ADGRL3: variants seen among roughly 807,000 people sequenced by gnomAD.
The protein encoded by ADGRL3 is adhesion G protein-coupled receptor L3.
In ADGRL3, 62 loss-of-function variants were observed where a neutral mutation model predicts 153.5. The observed-to-expected ratio is 0.40, with a 90% confidence interval of 0.33 to 0.50. The LOEUF (loss-of-function observed/expected upper bound fraction) is 0.50, where lower values mean the gene tolerates loss of function less well. ADGRL3 is among the 20% of genes least tolerant of loss of function. ADGRL3 has a pLI of 0.47. For missense variants in ADGRL3, 1,641 were observed against 1,859.4 expected, an observed-to-expected ratio of 0.88 and a Z score of 2.16; for synonymous variants, 710 against 672.5, an observed-to-expected ratio of 1.06 and a Z score of -0.86.
intron 9 of ADGRL3, among the ~76,000 whole-genome samples, chr4:61,883,287 A>G (rs920116628): frequency 9.9e-5 from 15 of 152,272 alleles, no homozygotes; most frequent in Admixed American, 9.2e-4. Context: ...TGTAAGCTCT[A>G]TAAGGGCAGA....
chr4:62,070,763 G>T lies in ADGRL3; in HGVS notation c.4487G>T (p.Gly1496Val). 6.4e-7 allele frequency: 1 copy of T among 1,551,548 alleles called. No individual in the cohort carries two copies. Among genetic ancestry groups the T allele is most frequent in the Admixed American group, 2.0e-5 (1 of 50,990 alleles). ...TACTACAAAAGCATGCCAAACCTAG[G>T]CTCCAGAAACCACGTCCATCAGCTG... ...DVYYKSMPNL[G>V]SRNHVHQLHT... The change falls in exon 27 of 27, where the codon GGC (glycine) becomes GTC (valine). Residue 1496 changes from glycine to valine, a missense_variant. Gly to Val is a moderately radical substitution (Grantham distance 109, BLOSUM62 -3). Transcript: ENST00000683033.
chr4:61,440,301 G>A (rs919860806), intron 2 of ADGRL3, among the ~76,000 whole-genome samples: 14 of 152,108 alleles, frequency 9.2e-5, no homozygotes, highest in Non-Finnish European at 1.5e-4. Context: ...GCCTGCCTTG[G>A]CCTCCCAAAG....
At position 61,491,052 on chromosome 4, in the gene ADGRL3, A is replaced by G. The variant is rs1037207831; in HGVS notation, c.-173-6069A>G. 1.1e-4 allele frequency among the ~76,000 whole-genome samples: 16 copies of G among 152,202 alleles called. No homozygotes were observed. In the East Asian group the frequency reaches 2.3e-3, roughly 22 times the overall value. On this transcript the variant is annotated intron_variant, in intron 2 of 26. Transcript: ENST00000683033. ...ACCAAATATATTAACATTTGATAGGATGGTGATGGAAAGAACCTGTGTTAT... is the reference window on the plus strand; with the variant it reads ...ACCAAATATATTAACATTTGATAGGGTGGTGATGGAAAGAACCTGTGTTAT...
intron 2 of ADGRL3, among the ~76,000 whole-genome samples, chr4:61,453,850 T>C (rs182918024): frequency 3.9e-5 from 6 of 152,200 alleles, no homozygotes; most frequent in Admixed American, 3.3e-4. Context: ...TTTAATTAAT[T>C]TTAGAAACAT....
intron 5 of ADGRL3, among the ~76,000 whole-genome samples, chr4:61,624,626 A>G (rs1263217087): frequency 1.3e-5 from 2 of 152,096 alleles, no homozygotes; most frequent in Non-Finnish European, 2.9e-5. Context: ...CCAGTCTTGT[A>G]ATCCTTGGAA....
intron 6 of ADGRL3, among the ~76,000 whole-genome samples, chr4:61,683,946 A>G (rs2095394455): frequency 1.3e-5 from 2 of 152,196 alleles, no homozygotes; most frequent in African/African-American, 4.8e-5. Context: ...GAGTCTTAAA[A>G]TATGAATAGA....
intron 4 of ADGRL3, among the ~76,000 whole-genome samples, chr4:61,557,611 G>T (rs2098773060): frequency 6.6e-6 from 1 of 152,128 alleles, no homozygotes; most frequent in African/African-American, 2.4e-5. Flanking sequence ...ATGTAAAATT[G>T]TACAGCAGGC....
At chr4:61,360,838 A>T (rs948228730) in intron 1 of ADGRL3, among the ~76,000 whole-genome samples, 2 of 152,222 alleles carry the variant, frequency 1.3e-5, no homozygotes, top group African/African-American at 4.8e-5. Context: ...AATGTCATAT[A>T]AACAACAGCA....
intron 5 of ADGRL3, among the ~76,000 whole-genome samples, chr4:61,644,841 G>C (rs2093885547): frequency 6.6e-6 from 1 of 152,040 alleles, no homozygotes; most frequent in South Asian, 2.1e-4. Context: ...GGGTATCCTT[G>C]TTGACTTTCT....
chr4:61,923,832 TGCTTGCGAAG>T lies in ADGRL3; in HGVS notation c.2113-11006_2113-10997del, dbSNP rs1434538316. On this transcript the variant is annotated intron_variant, in intron 13 of 26. Coordinates refer to ENST00000683033, the MANE Select transcript of ADGRL3 (RefSeq NM_001387552.1). ...TCTCTTCACTCCTCTATCACTAAGC[TGCTTGCGAAG>T]GAACAGTGCCACTTTTATTTCTACA... Among the ~76,000 whole-genome samples, 9 of 152,268 alleles carry T rather than the reference TGCTTGCGAAG, an allele frequency of 5.9e-5. No individual in the cohort carries two copies. The East Asian group carries it at 1.7e-3, about 29-fold the overall frequency.
At chr4:61,318,118 A>G (rs1314949172) in intron 1 of ADGRL3, among the ~76,000 whole-genome samples, 5 of 145,064 alleles carry the variant, frequency 3.4e-5, no homozygotes, top group Non-Finnish European at 7.5e-5. Context: ...CGTAGGTTGC[A>G]GTGAGCCAAA....
chr4:62,054,143 C>T lies in ADGRL3; in HGVS notation c.3814+9594C>T, dbSNP rs557566932. Among the ~76,000 whole-genome samples the T allele has an allele frequency of 9.2e-5, 14 of 151,648 alleles. No individual in the cohort carries two copies. The East Asian group carries it at 2.3e-3, about 25-fold the overall frequency. On this transcript the variant is annotated intron_variant, in intron 25 of 26. Coordinates refer to ENST00000683033, the MANE Select transcript of ADGRL3 (RefSeq NM_001387552.1). ...AGTGCCTTTGATTTACTAAAAAGAA[C>T]TGTGGTTTACTGCTATTTTGCCTGT...
At position 61,594,518 on chromosome 4, in the gene ADGRL3, A is replaced by T. The variant is rs1041971467; in HGVS notation, c.473+7078A>T. Among the ~76,000 whole-genome samples the T allele has an allele frequency of 2.6e-5, 4 of 152,166 alleles. No individual in the cohort carries two copies. In the East Asian group the frequency reaches 7.7e-4, roughly 29 times the overall value. ...ATAATGTTGTGGTTTTTGCAGACTC[A>T]TAGAGGCACTGCCTTGGTGGTCTTG... On this transcript the variant is annotated intron_variant, in intron 5 of 26. Transcript: ENST00000683033.
rs372960236 is a variant in ADGRL3 at position 61,978,886 on chromosome 4, C to T, written c.2806-677C>T. 1.2e-3 allele frequency among the ~76,000 whole-genome samples: 189 copies of T among 152,186 alleles called. 1 individual carries two copies. Among genetic ancestry groups the T allele is most frequent in the African/African-American group, 4.4e-3 (183 of 41,530 alleles). On this transcript the variant is annotated intron_variant, in intron 17 of 26. Transcript: ENST00000683033. ...ATAACAGGCTCTATTCATGCAAAAC[C>T]TTTCAAAGATCAAACTTGCTGATGT... is the stretch of plus-strand genomic sequence containing the variant.
At chr4:62,010,464 G>C (rs1490212708) in intron 21 of ADGRL3, among the ~76,000 whole-genome samples, 1 of 152,028 alleles carries the variant, frequency 6.6e-6, no homozygotes. Context: ...TCAGAAGCTA[G>C]TATGATGAAT....
At chr4:61,645,870 C>G (rs1404676084) in intron 5 of ADGRL3, among the ~76,000 whole-genome samples, 1 of 152,188 alleles carries the variant, frequency 6.6e-6, no homozygotes, top group Non-Finnish European at 1.5e-5. Flanking sequence ...GGATAATATC[C>G]TGCAGAGTGT....
intron 8 of ADGRL3, among the ~76,000 whole-genome samples, chr4:61,796,060 C>A (rs1580866045): frequency 6.6e-6 from 1 of 152,098 alleles, no homozygotes; most frequent in Non-Finnish European, 1.5e-5. Flanking sequence ...CCGGGCTGGT[C>A]TCGAACTCCT....
intron 2 of ADGRL3, among the ~76,000 whole-genome samples, chr4:61,465,173 A>G (rs988836889): frequency 6.6e-6 from 1 of 152,216 alleles, no homozygotes; most frequent in African/African-American, 2.4e-5. Context: ...AGTATTTTGT[A>G]TATCAATTAA....
chr4:61,821,176 T>C (rs1446620850), intron 9 of ADGRL3, among the ~76,000 whole-genome samples: 2 of 130,402 alleles, frequency 1.5e-5, no homozygotes, highest in Non-Finnish European at 3.1e-5. Context: ...TTAGACAAAT[T>C]CCTGCCAATT....
Sources: allele counts gnomAD v4.1 joint callset (sites outside exome capture counted in the v4.1 genomes callset), GRCh38; gene constraint gnomAD v4.1.1; transcripts MANE v1.5; gene names NCBI Gene and HGNC (gene_info 2026-07-23, HGNC 2026-07-21).